The following PDE4C variants were observed in gnomAD, a reference collection of about 807,000 sequenced individuals.
PDE4C encodes phosphodiesterase 4C.
In PDE4C, 50 loss-of-function variants were observed where a neutral mutation model predicts 63.9. That is an observed-to-expected ratio of 0.78 (90% CI 0.62 to 0.99). The LOEUF (loss-of-function observed/expected upper bound fraction) is 0.99. Ranked by LOEUF, PDE4C falls within the 50% of genes least tolerant of loss-of-function variation. The pLI, the probability that PDE4C is intolerant of heterozygous loss-of-function variation, is 0.00. For synonymous variants in PDE4C, 377 were observed against 385.1 expected, an observed-to-expected ratio of 0.98 and a Z score of 0.25; for missense variants, 777 against 899.1, an observed-to-expected ratio of 0.86 and a Z score of 1.74.
At chr19:18,227,981 G>T (rs1968777145), upstream of PDE4C, among the ~76,000 whole-genome samples, 2 of 152,152 alleles carry the variant, frequency 1.3e-5, no homozygotes, top group South Asian at 4.1e-4. Flanking sequence ...TCAGGTATCT[G>T]GCCAGGAAGC....
At chr19:18,215,385 C>A (rs1968144734) in intron 12 of PDE4C, among the ~76,000 whole-genome samples, 2 of 151,984 alleles carry the variant, frequency 1.3e-5, no homozygotes, top group South Asian at 4.1e-4. Context: ...ACGGCCGGAA[C>A]TGTCTTTGCA....
At chr19:18,212,054 CTG>C (rs1967974515) in intron 13 of PDE4C, 113 bp from the exon 14 acceptor site, 17 of 1,010,692 alleles carry the variant, frequency 1.7e-5, no homozygotes, top group Middle Eastern at 4.5e-4. Flanking sequence ...GGTGGGGAAA[CTG>C]AGGCCTGAGA....
At chr19:18,215,574 G>C (rs1308899491) in intron 12 of PDE4C, among the ~76,000 whole-genome samples, 11 of 151,186 alleles carry the variant, frequency 7.3e-5, no homozygotes, top group Admixed American at 7.3e-4. Flanking sequence ...GGAATGCAGT[G>C]TGCGATCTCC....
chr19:18,215,829 T>A (rs1347549480), intron 12 of PDE4C, among the ~76,000 whole-genome samples: 1 of 147,806 alleles, frequency 6.8e-6, no homozygotes, highest in Non-Finnish European at 1.5e-5. Context: ...TTTTTTTCTT[T>A]TCTTTTTTTT....
rs1555824300 is a variant in PDE4C at position 18,221,246 on chromosome 19, G to A, written c.375+15C>T. On this transcript the variant is annotated intron_variant, in intron 3 of 14. Coordinates refer to ENST00000262805, the Ensembl canonical transcript of PDE4C. ...TCCGGAGGGGGTCAGGGCAGGGAGG[G>A]CGGGGGACACCCACCTGGGCAAAGG... is the stretch of plus-strand genomic sequence containing the variant. 1.9e-6 allele frequency: 3 copies of A among 1,549,582 alleles called. No individual in the cohort carries two copies. In the South Asian group the frequency reaches 3.7e-5, roughly 19 times the overall value.
At chr19:18,227,433 C>T (rs1968763342), upstream of PDE4C, among the ~76,000 whole-genome samples, 1 of 152,162 alleles carries the variant, frequency 6.6e-6, no homozygotes, top group Admixed American at 6.5e-5. Context: ...AACATCCGCA[C>T]ATCACCTCTG....
chr19:18,255,113 G>C, the PDE4C span: 1 of 395,018 alleles, frequency 2.5e-6, no homozygotes, highest in Middle Eastern at 6.3e-4. The surrounding 1 kb of genome is among the most constrained non-coding windows in gnomAD (Gnocchi z 4.6). Flanking sequence ...TGGCGGACCA[G>C]CGTGGCCTGA....
upstream of PDE4C, among the ~76,000 whole-genome samples, chr19:18,231,041 G>A (rs1019229761): frequency 6.6e-6 from 1 of 152,212 alleles, no homozygotes; most frequent in African/African-American, 2.4e-5. Context: ...GTGTGTACCA[G>A]GCTCAGGCAC....
chr19:18,240,374 G>A (rs1031206819), intron 1 of PDE4C, among the ~76,000 whole-genome samples: 2 of 137,740 alleles, frequency 1.5e-5, no homozygotes, highest in Admixed American at 8.0e-5. Context: ...ACTGCAGTGA[G>A]CTATGATTGT....
upstream of PDE4C, chr19:18,249,952 C>CCCCAGCACAGAG: frequency 2.5e-6 from 1 of 395,262 alleles, no homozygotes; most frequent in Non-Finnish European, 4.5e-6. Context: ...CCCACTGTGA[C>CCCCAGCACAGAG]CCCAGCACAG....
At chr19:18,239,705 T>C (rs1184839741) in intron 1 of PDE4C, among the ~76,000 whole-genome samples, 4 of 152,074 alleles carry the variant, frequency 2.6e-5, no homozygotes, top group Admixed American at 1.3e-4. Context: ...CCAATGAGCC[T>C]ATCTCCACCA....
chr19:18,220,512 TC>T lies in PDE4C; in HGVS notation c.502del (p.Asp168ThrfsTer11), dbSNP rs771044643. Reference sequence around the variant, plus strand: ...CTCCAATGCCAGCTTCTGCCCCGTGTCCTCTGGGAGCCGAGGCAGTCAGGGG... The same window carrying T: ...CTCCAATGCCAGCTTCTGCCCCGTGTCTCTGGGAGCCGAGGCAGTCAGGGG... On this transcript the variant is annotated frameshift_variant and splice_region_variant, in exon 6 of 15. Coordinates refer to ENST00000262805, the Ensembl canonical transcript of PDE4C. LOFTEE classifies it high-confidence loss of function. The surrounding 1 kb of genome is among the most constrained non-coding windows in gnomAD (Gnocchi z 5.1). 1.9e-6 allele frequency: 3 copies of T among 1,612,232 alleles called. No individual in the cohort carries two copies. The highest frequency in any genetic ancestry group is 2.5e-6 in the Non-Finnish European group (3 of 1,179,332).
In PDE4C at chr19:18,220,937, G is replaced by A; in HGVS notation, c.450-14C>T. On this transcript the variant is annotated splice_polypyrimidine_tract_variant and intron_variant, in intron 4 of 14. Coordinates refer to ENST00000262805, the Ensembl canonical transcript of PDE4C. This position sits in a 1 kb window ranked among gnomAD's most constrained non-coding sequence, Gnocchi z 5.1. ...ACGGGTCCCTGCCTGCGGTACAGCA[G>A]CCTCAGGCGTGGCTGCTCCGCCCAT... The A allele has an allele frequency of 1.3e-6, 2 of 1,598,444 alleles. No individual in the cohort carries two copies. The highest frequency in any genetic ancestry group is 1.7e-6 in the Non-Finnish European group (2 of 1,174,232).
chr19:18,219,641 C>A (rs960789868), intron 7 of PDE4C: 104 of 464,796 alleles, frequency 2.2e-4, no homozygotes, highest in Admixed American at 7.8e-5. Context: ...CTGAGCAATA[C>A]GGTGAAACCC....
rs1030548169 is a variant in PDE4C at position 18,232,410 on chromosome 19, CGT to C, written c.242+538_242+539del. Among the ~76,000 whole-genome samples, 13 of 99,006 alleles carry C rather than the reference CGT, an allele frequency of 1.3e-4. No homozygotes were observed. In the East Asian group the frequency reaches 1.3e-3, roughly 10 times the overall value. The allele number at this position is 99,006 out of a possible 152,430, so 65.0% of individuals were successfully genotyped here. ...GTGTGTGTGTGTGTGTGTGTGTGTG[CGT>C]GTGTGTGTGTATTTATATCCAAGCA... is the stretch of plus-strand genomic sequence containing the variant. On this transcript the variant is annotated intron_variant, in intron 1 of 14. Coordinates refer to the PDE4C transcript ENST00000594465.
At chr19:18,218,436 C>A in exon 10 of PDE4C, 1 of 1,614,236 alleles carries the variant, frequency 6.2e-7, no homozygotes, top group Non-Finnish European at 8.5e-7. Flanking sequence ...GACCTTCCAG[C>A]ATCAGCAGGT....
chr19:18,211,090 G>A, exon 15 of PDE4C: 1 of 1,614,196 alleles, frequency 6.2e-7, no homozygotes. Context: ...TCCAGAGTCA[G>A]TTCAAACTGG....
At chr19:18,212,473 C>CTTTTT (rs368839228) in intron 13 of PDE4C, among the ~76,000 whole-genome samples, 1 of 131,960 alleles carries the variant, frequency 7.6e-6, no homozygotes. Flanking sequence ...CTGAGCCCAG[C>CTTTTT]TTTTTTTTTT....
chr19:18,213,611 G>A (rs1427281514), intron 12 of PDE4C, 121 bp from the exon 13 acceptor site: 2 of 1,111,834 alleles, frequency 1.8e-6, no homozygotes, highest in South Asian at 1.7e-5. Context: ...ATACTCATCT[G>A]TGAAATGGAA....
Sources: allele counts gnomAD v4.1 joint callset (sites outside exome capture counted in the v4.1 genomes callset), GRCh38; gene constraint gnomAD v4.1.1; non-coding constraint Gnocchi (gnomAD v3.1); transcripts MANE v1.5; gene names NCBI Gene and HGNC (gene_info 2026-07-23, HGNC 2026-07-21).